GATAD2A: variants seen among roughly 807,000 people sequenced by gnomAD.
The protein encoded by GATAD2A is transcriptional repressor p66-alpha.
Under a neutral mutation model 68.5 loss-of-function variants are expected in GATAD2A, and 12 were observed. The observed-to-expected ratio is 0.18, with a 90% CI of 0.11 to 0.28. The LOEUF (loss-of-function observed/expected upper bound fraction) is 0.28, where lower values mean the gene tolerates loss of function less well. Ranked by LOEUF, GATAD2A falls within the 10% of genes least tolerant of loss-of-function variation. GATAD2A has a pLI of 1.00. For synonymous variants in GATAD2A, 410 were observed against 375.3 expected (o/e 1.09, Z -1.07); for missense variants, 755 against 868.5 (o/e 0.87, Z 1.64).
At chr19:19,437,776 A>G (rs1269473914) in intron 1 of GATAD2A, among the ~76,000 whole-genome samples, 2 of 152,208 alleles carry the variant, frequency 1.3e-5, no homozygotes, top group Non-Finnish European at 2.9e-5. Flanking sequence ...TGGCTGAATG[A>G]TATTCCATTA....
At chr19:19,386,771 G>A (rs148532321) in intron 1 of GATAD2A, among the ~76,000 whole-genome samples, 19 of 151,528 alleles carry the variant, frequency 1.3e-4, no homozygotes, top group East Asian at 7.8e-4. Context: ...GACCCCTGCC[G>A]GAGGGAACCC....
intron 2 of GATAD2A, chr19:19,474,046 C>T: frequency 1.0e-6 from 1 of 985,196 alleles, no homozygotes; most frequent in Non-Finnish European, 1.2e-6. Context: ...TCCAGCCACC[C>T]AGTTGTCCAG....
chr19:19,435,707 G>A (rs559254543), intron 1 of GATAD2A, among the ~76,000 whole-genome samples: 4 of 152,244 alleles, frequency 2.6e-5, no homozygotes, highest in South Asian at 2.1e-4. Flanking sequence ...AAAATCAGCC[G>A]GGCATAGTGG....
At chr19:19,503,233 G>T (rs958804319) in intron 11 of GATAD2A, among the ~76,000 whole-genome samples, 2 of 152,234 alleles carry the variant, frequency 1.3e-5, no homozygotes, top group Non-Finnish European at 2.9e-5. Context: ...AAGGAGATGG[G>T]CACCCTCTGG....
chr19:19,496,218 A>T lies in GATAD2A; in HGVS notation c.923A>T (p.Gln308Leu). The change falls in exon 7 of 12, where the codon CAG (glutamine) becomes CTG (leucine). Residue 308 changes from glutamine (Q) to leucine (L), a missense_variant and splice_region_variant. Physicochemically the swap from Gln to Leu is moderately radical, Grantham distance 113. Coordinates refer to ENST00000683918, the MANE Select transcript of GATAD2A (RefSeq NM_001384528.1). Reference sequence around the variant, plus strand: ...ACCAGCCTGCTCGTCAACATCCCACAGGTGAGGGCTGCGCCACACTGTGCC... The same window carrying T: ...ACCAGCCTGCTCGTCAACATCCCACTGGTGAGGGCTGCGCCACACTGTGCC... The part of the protein sequence containing the change: ...PNTSLLVNIP[Q>L]PTPASLKGTT... 6.2e-7 allele frequency: 1 copy of T among 1,613,130 alleles called. No homozygotes were observed. Among genetic ancestry groups the T allele is most frequent in the Non-Finnish European group, 8.5e-7 (1 of 1,179,632 alleles).
At chr19:19,431,984 A>G (rs895873738) in intron 1 of GATAD2A, among the ~76,000 whole-genome samples, 3 of 151,892 alleles carry the variant, frequency 2.0e-5, no homozygotes, top group Non-Finnish European at 2.9e-5. Context: ...TTTTATTTTT[A>G]TTTATTTTGA....
At chr19:19,504,553 C>T (rs959570892) in intron 11 of GATAD2A, among the ~76,000 whole-genome samples, 2 of 151,566 alleles carry the variant, frequency 1.3e-5, no homozygotes, top group African/African-American at 4.9e-5. Context: ...TTTGACAGGC[C>T]GAGGTAGGAG....
At chr19:19,409,777 C>T (rs1486610329) in intron 1 of GATAD2A, among the ~76,000 whole-genome samples, 1 of 152,198 alleles carries the variant, frequency 6.6e-6, no homozygotes, top group African/African-American at 2.4e-5. Context: ...AGATCCCGCT[C>T]GAGCATGGGT....
intron 1 of GATAD2A, among the ~76,000 whole-genome samples, chr19:19,400,475 C>A (rs2049627676): frequency 6.6e-6 from 1 of 151,944 alleles, no homozygotes; most frequent in South Asian, 2.1e-4. Context: ...GGCTACTGAC[C>A]CATGTCCCAC....
chr19:19,418,109 T>C (rs762622914), intron 1 of GATAD2A, among the ~76,000 whole-genome samples: 9 of 151,684 alleles, frequency 5.9e-5, no homozygotes, highest in African/African-American at 9.7e-5. Flanking sequence ...GTTTTAGGGG[T>C]AGTGAGCTAG....
At chr19:19,482,976 C>T (rs2059159126) in intron 2 of GATAD2A, among the ~76,000 whole-genome samples, 1 of 152,122 alleles carries the variant, frequency 6.6e-6, no homozygotes, top group Admixed American at 6.5e-5. Flanking sequence ...TTCTGCACGC[C>T]CCCGAGACTG....
At chr19:19,435,050 G>C in intron 1 of GATAD2A, 1 of 527,700 alleles carries the variant, frequency 1.9e-6, no homozygotes, top group Non-Finnish European at 3.9e-6. Context: ...CCTGCGTGCT[G>C]CCTGTGTGCT....
At chr19:19,412,046 C>T (rs568167140) in intron 1 of GATAD2A, among the ~76,000 whole-genome samples, 1 of 151,278 alleles carries the variant, frequency 6.6e-6, no homozygotes, top group East Asian at 1.9e-4. Flanking sequence ...CGAGACCCGC[C>T]TGGGCAATGT....
rs1303126026 is a variant in GATAD2A at position 19,498,485 on chromosome 19, C to G, written c.967C>G (p.Gln323Glu). The change falls in exon 8 of 12, where the codon CAG becomes GAG. Residue 323 changes from glutamine (Q) to glutamate (E), a missense_variant. Physicochemically the swap from Gln to Glu is conservative, Grantham distance 29. Coordinates refer to ENST00000683918, the MANE Select transcript of GATAD2A (RefSeq NM_001384528.1). ...SLKGTTATSA[Q>E]ANSTPTSVAS... ...GAAGGGGACAACAGCCACCTCCGCT[C>G]AGGCCAACTCCACCCCCACTAGTGT... 1.2e-6 allele frequency: 2 copies of G among 1,613,042 alleles called. No homozygotes were observed. Among genetic ancestry groups the G allele is most frequent in the African/African-American group, 2.7e-5 (2 of 75,064 alleles).
chr19:19,388,320 G>A (rs1568686274), intron 1 of GATAD2A, among the ~76,000 whole-genome samples: 1 of 152,076 alleles, frequency 6.6e-6, no homozygotes, highest in African/African-American at 2.4e-5. Context: ...GCCTCCCAAA[G>A]TGCTGGGATT....
intron 1 of GATAD2A, among the ~76,000 whole-genome samples, chr19:19,432,125 G>T (rs372628131): frequency 3.3e-5 from 5 of 152,016 alleles, no homozygotes; most frequent in African/African-American, 9.7e-5. Flanking sequence ...ACAAGCATGT[G>T]CCACCACGGT....
chr19:19,492,042 C>T (rs2059828441), intron 2 of GATAD2A, among the ~76,000 whole-genome samples: 1 of 152,254 alleles, frequency 6.6e-6, no homozygotes, highest in African/African-American at 2.4e-5. Flanking sequence ...GGCATACGCA[C>T]CCTCAGCCCT....
At chr19:19,417,119 A>T (rs958550489) in intron 1 of GATAD2A, among the ~76,000 whole-genome samples, 2 of 152,228 alleles carry the variant, frequency 1.3e-5, no homozygotes, top group Non-Finnish European at 2.9e-5. Context: ...CTGCTTCGGC[A>T]GATACCCTGT....
At chr19:19,484,785 G>A (rs1026549824) in intron 2 of GATAD2A, among the ~76,000 whole-genome samples, 1 of 151,922 alleles carries the variant, frequency 6.6e-6, no homozygotes, top group East Asian at 1.9e-4. Flanking sequence ...CGCCCACCTC[G>A]GCCTCCCAAA....
Sources: gnomAD v4.1 joint callset for allele counts (sites outside exome capture counted in the v4.1 genomes callset) on GRCh38, gnomAD v4.1.1 for gene constraint, MANE v1.5 for transcripts, NCBI Gene and HGNC (gene_info 2026-07-23, HGNC 2026-07-21) for gene names.